Variants in ARSB observed in about 807,000 individuals in gnomAD.
The protein encoded by ARSB is N-acetylgalactosamine-4-sulfatase.
A neutral mutation model predicts 50.9 loss-of-function variants in ARSB; 41 were observed. The observed-to-expected ratio is 0.81, with a 90% CI of 0.63 to 1.04. The LOEUF is 1.04. Among genes scored for constraint, ARSB ranks in the 50% least tolerant of loss-of-function variants. The probability of loss-of-function intolerance (pLI) is 0.00; values close to 1 mark genes in which losing one functional copy is unlikely to be tolerated. For missense variants in ARSB, 672 were observed against 693.3 expected, an observed-to-expected ratio of 0.97 and a Z score of 0.35; for synonymous variants, 269 against 284.8, an observed-to-expected ratio of 0.94 and a Z score of 0.56.
intron 6 of ARSB, among the ~76,000 whole-genome samples, chr5:78,801,716 A>G (rs1743400831): frequency 1.3e-5 from 2 of 152,082 alleles, no homozygotes; most frequent in Admixed American, 6.6e-5. Context: ...GGTTGGGAGC[A>G]CCACTTCCAG....
chr5:78,835,793 C>T lies in ARSB; in HGVS notation c.1213+3563G>A, dbSNP rs555399376. On this transcript the variant is annotated intron_variant, in intron 6 of 7. Coordinates refer to ENST00000264914, the MANE Select transcript of ARSB (RefSeq NM_000046.5). ...CTGAAGCCAGAGGGACCTTGGAGAT[C>T]ATTTAATTCCTTCTTTACTCCACAG... Among the ~76,000 whole-genome samples, 140 of 152,266 alleles carry T rather than the reference C, an allele frequency of 9.2e-4. 1 individual carries two copies. In the Middle Eastern group the frequency reaches 0.01, roughly 11 times the overall value.
At chr5:78,961,124 T>C (rs80336646) in intron 3 of ARSB, among the ~76,000 whole-genome samples, 1,592 of 152,304 alleles carry the variant, frequency 0.01, 23 homozygotes, top group African/African-American at 0.031. Context: ...ATTCTTCATG[T>C]GGCTTTCTTT....
At chr5:78,930,666 T>C (rs1750282634) in intron 4 of ARSB, among the ~76,000 whole-genome samples, 1 of 152,264 alleles carries the variant, frequency 6.6e-6, no homozygotes, top group South Asian at 2.1e-4. Flanking sequence ...AGGATTGTTC[T>C]GTAAGAAAGG....
chr5:78,831,585 C>T (rs1272170949), intron 6 of ARSB, among the ~76,000 whole-genome samples: 1 of 152,148 alleles, frequency 6.6e-6, no homozygotes, highest in Non-Finnish European at 1.5e-5. Flanking sequence ...AAGGGTAGGA[C>T]ACAAAGCGAT....
rs546833311 is a variant in ARSB at position 78,872,353 on chromosome 5, A to G, written c.1142+13231T>C. Reference sequence around the variant, plus strand: ...ATGACTATAAATCATGCTGCTATAAAGACACATGCACACGTATGTTTATTG... The same window carrying G: ...ATGACTATAAATCATGCTGCTATAAGGACACATGCACACGTATGTTTATTG... On this transcript the variant is annotated intron_variant, in intron 5 of 7. Transcript: ENST00000264914. Among the ~76,000 whole-genome samples the G allele has an allele frequency of 7.4e-3, 1,109 of 149,208 alleles. 18 individuals are homozygous for G. Among genetic ancestry groups the G allele is most frequent in the African/African-American group, 0.026 (1,064 of 40,758 alleles).
Position 78,944,754 on chromosome 5 carries a change from G to A in ARSB, c.898+10541C>T, listed in dbSNP as rs958978170. Among the ~76,000 whole-genome samples the A allele has an allele frequency of 5.3e-5, 8 of 152,320 alleles. No homozygotes were observed. The East Asian group carries it at 7.7e-4, about 15-fold the overall frequency. On this transcript the variant is annotated intron_variant, in intron 4 of 7. Coordinates refer to ENST00000264914, the MANE Select transcript of ARSB (RefSeq NM_000046.5). ...ACCCACTTGAGGAGGCAGTCTGTCC[G>A]TTCTCAGATCTCAAGCTGCGTGCTG...
intron 4 of ARSB, among the ~76,000 whole-genome samples, chr5:78,913,281 C>T (rs1226900073): frequency 6.6e-6 from 1 of 152,096 alleles, no homozygotes; most frequent in Non-Finnish European, 1.5e-5. Context: ...CCCGCCACCT[C>T]GCCCGGCTAA....
chr5:78,806,274 G>GGCCTTTC (rs1743559540), intron 6 of ARSB, among the ~76,000 whole-genome samples: 2 of 152,232 alleles, frequency 1.3e-5, no homozygotes, highest in South Asian at 4.1e-4. Flanking sequence ...CCCCTGGCAT[G>GGCCTTTC]TGTAACAACT....
At chr5:78,863,412 G>A (rs945086513) in intron 5 of ARSB, among the ~76,000 whole-genome samples, 4 of 152,198 alleles carry the variant, frequency 2.6e-5, no homozygotes, top group Middle Eastern at 3.4e-3. Context: ...ATACACCATG[G>A]AATACTGTAC....
chr5:78,881,429 A>G (rs1014902702), intron 5 of ARSB, among the ~76,000 whole-genome samples: 1 of 152,176 alleles, frequency 6.6e-6, no homozygotes, highest in Non-Finnish European at 1.5e-5. Flanking sequence ...AGACAAAAAA[A>G]AAGGAAAAAT....
intron 6 of ARSB, among the ~76,000 whole-genome samples, chr5:78,790,912 G>C (rs1749217720): frequency 6.6e-6 from 1 of 152,208 alleles, no homozygotes; most frequent in African/African-American, 2.4e-5. Flanking sequence ...AGAATTTAAA[G>C]AGGGTTGGGG....
intron 6 of ARSB, among the ~76,000 whole-genome samples, chr5:78,826,919 G>A (rs921038914): frequency 1.3e-5 from 2 of 152,142 alleles, no homozygotes; most frequent in African/African-American, 4.8e-5. Flanking sequence ...CATGGGTCAG[G>A]AGCATTAGGA....
At chr5:78,798,126 T>G (rs1276079923) in intron 6 of ARSB, among the ~76,000 whole-genome samples, 1 of 152,162 alleles carries the variant, frequency 6.6e-6, no homozygotes, top group African/African-American at 2.4e-5. Context: ...ATGGCCATAA[T>G]AAACATGAAC....
At chr5:78,953,098 G>A (rs1751556655) in intron 4 of ARSB, among the ~76,000 whole-genome samples, 1 of 152,156 alleles carries the variant, frequency 6.6e-6, no homozygotes, top group Non-Finnish European at 1.5e-5. Context: ...TAAGTTTTGG[G>A]AGAAAAACAA....
intron 3 of ARSB, among the ~76,000 whole-genome samples, chr5:78,958,949 T>G (rs1233180065): frequency 6.6e-6 from 1 of 151,492 alleles, no homozygotes; most frequent in African/African-American, 2.4e-5. Flanking sequence ...TTAAGCCTTG[T>G]ACAGAAAGAT....
chr5:78,865,117 C>T (rs953277296), intron 5 of ARSB, among the ~76,000 whole-genome samples: 4 of 55,026 alleles, frequency 7.3e-5, no homozygotes, highest in Non-Finnish European at 1.2e-4. Flanking sequence ...ACTAGGACTC[C>T]GTATAGGGGT....
chr5:78,935,852 G>A (rs1750555953), intron 4 of ARSB, among the ~76,000 whole-genome samples: 2 of 151,738 alleles, frequency 1.3e-5, no homozygotes, highest in South Asian at 4.2e-4. Flanking sequence ...TTGGACTCAG[G>A]CCATCTGCCT....
At chr5:78,810,491 A>G (rs1406675318) in intron 6 of ARSB, among the ~76,000 whole-genome samples, 1 of 152,236 alleles carries the variant, frequency 6.6e-6, no homozygotes, top group African/African-American at 2.4e-5. Context: ...CAGAAAGCAG[A>G]CCAGATTTCT....
At chr5:78,853,905 C>T (rs1312495173) in intron 5 of ARSB, among the ~76,000 whole-genome samples, 2 of 152,208 alleles carry the variant, frequency 1.3e-5, no homozygotes, top group African/African-American at 4.8e-5. Flanking sequence ...TTTTTAAGCC[C>T]ATTGGAAAAG....
Sources: gnomAD v4.1 joint callset for allele counts (sites outside exome capture counted in the v4.1 genomes callset) on GRCh38, gnomAD v4.1.1 for gene constraint, MANE v1.5 for transcripts, NCBI Gene and HGNC (gene_info 2026-07-23, HGNC 2026-07-21) for gene names.